GABRG3: variants seen among roughly 807,000 people sequenced by gnomAD.
The protein encoded by GABRG3 is gamma-aminobutyric acid type A receptor subunit gamma3, also known as gamma-aminobutyric acid receptor subunit gamma-3.
Under a neutral mutation model 48.8 loss-of-function variants are expected in GABRG3, and 25 were observed. That is an observed-to-expected ratio of 0.51 (90% CI 0.37 to 0.72). The LOEUF (loss-of-function observed/expected upper bound fraction) is 0.72, where lower values mean the gene tolerates loss of function less well. Among genes scored for constraint, GABRG3 ranks in the 30% least tolerant of loss-of-function variants. The probability of loss-of-function intolerance (pLI) is 0.00; values close to 1 mark genes in which losing one functional copy is unlikely to be tolerated. For missense variants in GABRG3, 394 were observed against 577.9 expected (o/e 0.68, Z 3.26); for synonymous variants, 227 against 217.6 (o/e 1.04, Z -0.38).
chr15:27,026,691 A>T, intron 2 of GABRG3, 63 bp from the exon 3 acceptor site: 1 of 1,214,378 alleles, frequency 8.2e-7, no homozygotes, highest in Non-Finnish European at 1.2e-6. Context: ...TTAGGACTTG[A>T]ATGTGCTCTC....
intron 3 of GABRG3, among the ~76,000 whole-genome samples, chr15:27,149,395 G>A (rs1898268651): frequency 6.6e-6 from 1 of 152,140 alleles, no homozygotes; most frequent in Non-Finnish European, 1.5e-5. Flanking sequence ...TTAACATTGT[G>A]AAGATGGTAA....
chr15:27,056,667 G>T (rs1464060854), intron 3 of GABRG3, among the ~76,000 whole-genome samples: 3 of 152,154 alleles, frequency 2.0e-5, no homozygotes, highest in Non-Finnish European at 4.4e-5. Context: ...GACTGAATGG[G>T]AAGTTCACAA....
intron 3 of GABRG3, among the ~76,000 whole-genome samples, chr15:27,239,279 T>C (rs978070129): frequency 2.0e-5 from 3 of 152,218 alleles, no homozygotes; most frequent in Non-Finnish European, 4.4e-5. Context: ...CTATGTTTTG[T>C]ATGGAGTCTT....
chr15:27,447,770 A>G lies in GABRG3; in HGVS notation c.575-32880A>G, dbSNP rs887321860. Among the ~76,000 whole-genome samples the G allele has an allele frequency of 3.3e-5, 5 of 152,220 alleles. No individual in the cohort carries two copies. Among genetic ancestry groups the G allele is most frequent in the Admixed American group, 6.5e-5 (1 of 15,290 alleles). ...ACAAGAATAGAAAAACAAACACTGC[A>G]TGTTCTCACTCATAAGTGGGAGTTG... On this transcript the variant is annotated intron_variant, in intron 5 of 9. Transcript: ENST00000615808. The surrounding 1 kb of genome is among the most constrained non-coding windows in gnomAD (Gnocchi z 4.0).
At chr15:27,252,137 G>A (rs1008762323) in intron 3 of GABRG3, among the ~76,000 whole-genome samples, 7 of 152,128 alleles carry the variant, frequency 4.6e-5, no homozygotes, top group Non-Finnish European at 7.4e-5. Flanking sequence ...CGGGGGACAC[G>A]AGGGTGATTG....
At chr15:27,532,183 G>A (rs762106290) in intron 9 of GABRG3, among the ~76,000 whole-genome samples, 2 of 152,104 alleles carry the variant, frequency 1.3e-5, no homozygotes, top group African/African-American at 2.4e-5. Flanking sequence ...GACTTCAAAT[G>A]ACTAATACAC....
rs548745711 is a variant in GABRG3 at position 27,389,316 on chromosome 15, G to A, written c.574+60428G>A. ...CAGTGGTAAGTGTGTGTGGAAAGGGGTAGTTTTATGATAGCGTAGATCAAT... is the reference window on the plus strand; with the variant it reads ...CAGTGGTAAGTGTGTGTGGAAAGGGATAGTTTTATGATAGCGTAGATCAAT... On this transcript the variant is annotated intron_variant, in intron 5 of 9. Coordinates refer to ENST00000615808, the MANE Select transcript of GABRG3 (RefSeq NM_033223.5). Among the ~76,000 whole-genome samples the A allele has an allele frequency of 4.1e-4, 63 of 152,320 alleles. 1 individual carries two copies. In the Middle Eastern group the frequency reaches 0.014, roughly 33 times the overall value.
chr15:27,521,754 T>C (rs1891165647), intron 7 of GABRG3, among the ~76,000 whole-genome samples: 1 of 151,996 alleles, frequency 6.6e-6, no homozygotes, highest in Non-Finnish European at 1.5e-5. Flanking sequence ...AGATTGAAGA[T>C]GGCAGAAATA....
chr15:27,382,891 G>C (rs1236526670), intron 5 of GABRG3, among the ~76,000 whole-genome samples: 1 of 152,148 alleles, frequency 6.6e-6, no homozygotes, highest in African/African-American at 2.4e-5. Context: ...GGGAATAGTT[G>C]AAGTGTTTGG....
chr15:27,219,306 A>T (rs758819850), intron 3 of GABRG3, among the ~76,000 whole-genome samples: 11 of 150,282 alleles, frequency 7.3e-5, no homozygotes, highest in Non-Finnish European at 1.5e-4. Context: ...TTAGTTTGGG[A>T]CCATTGTTTG....
intron 9 of GABRG3, 46 bp downstream of exon 9, chr15:27,528,038 A>T: frequency 7.4e-7 from 1 of 1,359,484 alleles, no homozygotes; most frequent in Admixed American, 1.9e-5. Context: ...AACTTTCACT[A>T]AACTAAGATT....
At chr15:27,271,513 C>G (rs370265552) in intron 3 of GABRG3, 11 of 455,390 alleles carry the variant, frequency 2.4e-5, no homozygotes, top group African/African-American at 2.2e-4. Flanking sequence ...CCGGAGCCCC[C>G]AGGCCACGCC....
At chr15:27,324,657 TG>T (rs1233188225) in intron 3 of GABRG3, among the ~76,000 whole-genome samples, 1 of 152,208 alleles carries the variant, frequency 6.6e-6, no homozygotes, top group Non-Finnish European at 1.5e-5. Context: ...TCCTGACTTG[TG>T]GTTCCTTTGG....
At chr15:27,078,939 C>T (rs1317740673) in intron 3 of GABRG3, among the ~76,000 whole-genome samples, 1 of 152,190 alleles carries the variant, frequency 6.6e-6, no homozygotes, top group South Asian at 2.1e-4. Flanking sequence ...TCCATTGTAA[C>T]TCCTCTTATA....
intron 5 of GABRG3, among the ~76,000 whole-genome samples, chr15:27,462,318 G>T (rs1889476127): frequency 6.6e-6 from 1 of 152,116 alleles, no homozygotes; most frequent in Admixed American, 6.5e-5. Flanking sequence ...TGTTATTTCT[G>T]CAGCATTTAG....
At chr15:26,996,403 C>T (rs1895340601) in intron 2 of GABRG3, among the ~76,000 whole-genome samples, 1 of 151,940 alleles carries the variant, frequency 6.6e-6, no homozygotes, top group Admixed American at 6.6e-5. Flanking sequence ...TATGCAGTCA[C>T]ATTGTCTTCT....
intron 6 of GABRG3, chr15:27,481,231 T>C: frequency 2.0e-6 from 2 of 981,914 alleles, no homozygotes; most frequent in Non-Finnish European, 2.4e-6. Context: ...TGAGTTTCTT[T>C]TTCAATGATT....
intron 5 of GABRG3, among the ~76,000 whole-genome samples, chr15:27,349,247 A>T (rs1166895336): frequency 6.6e-6 from 1 of 152,106 alleles, no homozygotes; most frequent in Non-Finnish European, 1.5e-5. Context: ...GGTATGTATA[A>T]ATTATATATA....
chr15:27,400,383 C>T lies in GABRG3; in HGVS notation c.574+71495C>T, dbSNP rs191564960. Among the ~76,000 whole-genome samples, 275 of 152,262 alleles carry T rather than the reference C, an allele frequency of 1.8e-3. 1 individual carries two copies. Among genetic ancestry groups the T allele is most frequent in the African/African-American group, 5.7e-3 (237 of 41,546 alleles). ...TAGCAAAGCACTTTGCAGTCATGTA[C>T]GAAAGTTTCCAATTAATTTATCTGC... On this transcript the variant is annotated intron_variant, in intron 5 of 9. Transcript: ENST00000615808.
Sources: allele counts gnomAD v4.1 joint callset (sites outside exome capture counted in the v4.1 genomes callset), GRCh38; gene constraint gnomAD v4.1.1; non-coding constraint Gnocchi (gnomAD v3.1); transcripts MANE v1.5; gene names NCBI Gene and HGNC (gene_info 2026-07-23, HGNC 2026-07-21).